The following ARHGAP23 variants were observed in gnomAD, a reference collection of about 807,000 sequenced individuals.
The protein encoded by ARHGAP23 is rho GTPase-activating protein 23.
In ARHGAP23, 34 loss-of-function variants were observed where a neutral mutation model predicts 136.3. The observed-to-expected ratio is 0.25, with a 90% CI of 0.19 to 0.33. ARHGAP23 has a LOEUF of 0.33. Among genes scored for constraint, ARHGAP23 ranks in the 10% least tolerant of loss-of-function variants. The pLI is 1.00. For missense variants in ARHGAP23, 1,808 were observed against 2,139.0 expected (o/e 0.85, Z 3.05); for synonymous variants, 832 against 920.5 (o/e 0.90, Z 1.74).
chr17:38,470,537 T>A (rs2039726055), intron 10 of ARHGAP23, among the ~76,000 whole-genome samples: 1 of 152,216 alleles, frequency 6.6e-6, no homozygotes. Context: ...GTGATAGCCC[T>A]GGCTGTTTGT....
intron 15 of ARHGAP23, 101 bp downstream of exon 15, chr17:38,482,244 T>C: frequency 6.7e-7 from 1 of 1,501,094 alleles, no homozygotes; most frequent in Non-Finnish European, 8.9e-7. Flanking sequence ...CACCTCATTG[T>C]ACAAACACAG....
intron 23 of ARHGAP23, among the ~76,000 whole-genome samples, chr17:38,504,975 CATCTTTTTTT>C: frequency 1.4e-5 from 1 of 70,684 alleles, no homozygotes; most frequent in South Asian, 5.4e-4. Flanking sequence ...CCTCCCTTAT[CATCTTTTTTT>C]TTTTTTTTTT....
In ARHGAP23 at chr17:38,510,159, CGCCCCCGAG is replaced by C; in HGVS notation, c.3671_3679del (p.Glu1224_Pro1226del). 7.8e-7 allele frequency: 1 copy of C among 1,284,860 alleles called. No individual in the cohort carries two copies. The highest frequency in any genetic ancestry group is 3.1e-5 in the East Asian group (1 of 32,256). 79.6% of individuals were successfully genotyped at this position (1,284,860 alleles called of 1,614,324 possible). A position where few individuals can be genotyped will look rare whatever the true frequency, so the allele number is the denominator to read the frequency against. ...CGCAGGGGCCGCTGCCTGGCGCCGT[CGCCCCCGAG>C]GCCCCCGGACGCCTCAGTCCCCCGG... On this transcript the variant is annotated inframe_deletion, in exon 24 of 24. Transcript: ENST00000622683. The surrounding 1 kb of genome is among the most constrained non-coding windows in gnomAD (Gnocchi z 4.6).
chr17:38,490,143 G>A lies in ARHGAP23; in HGVS notation c.3028G>A (p.Ala1010Thr), dbSNP rs759469762. The A allele has an allele frequency of 4.1e-5, 63 of 1,551,674 alleles. No individual in the cohort carries two copies. Among genetic ancestry groups the A allele is most frequent in the South Asian group, 2.1e-4 (18 of 84,064 alleles). ...DFIEANRIEDARERMRTLRKL... is the reference protein window; with the variant it reads ...DFIEANRIEDTRERMRTLRKL... The stretch of plus-strand genomic sequence containing the variant: ...CATCGAGGCCAACCGCATTGAGGAC[G>A]CGCGGGAGCGAATGAGGACGCTGCG... The change falls in exon 18 of 24, where the codon GCG becomes ACG. Residue 1010 changes from alanine to threonine, a missense_variant. Physicochemically the swap from Ala to Thr is moderately conservative, Grantham distance 58. This residue lies in a region of ARHGAP23 where 105 missense variants were observed against 200.6 expected (regional missense o/e 0.52). Coordinates refer to ENST00000622683, the MANE Select transcript of ARHGAP23 (RefSeq NM_001199417.2).
rs947213851 is a variant in ARHGAP23, at chr17:38,511,345, G to A, written c.*373G>A. The A allele has an allele frequency of 4.4e-6, 1 of 227,682 alleles. No homozygotes were observed. The highest frequency in any genetic ancestry group is 2.3e-5 in the African/African-American group (1 of 44,188). The allele number at this position is 227,682 out of a possible 1,614,324, so 14.1% of individuals were successfully genotyped here. On this transcript the variant is annotated 3_prime_UTR_variant, in exon 24 of 24. Coordinates refer to ENST00000622683, the MANE Select transcript of ARHGAP23 (RefSeq NM_001199417.2). The stretch of plus-strand genomic sequence containing the variant: ...CCCCTAAGTTTCAGACTAAAGGAAA[G>A]ATCCTGGGTGATGCTGGCTTTTTGC...
chr17:38,503,770 G>T (rs2144804898), intron 23 of ARHGAP23, among the ~76,000 whole-genome samples: 1 of 152,268 alleles, frequency 6.6e-6, no homozygotes, highest in South Asian at 2.1e-4. Flanking sequence ...TCAATCACAG[G>T]GCCTTGAACA....
intron 6 of ARHGAP23, among the ~76,000 whole-genome samples, chr17:38,463,694 CT>C (rs2039514708): frequency 6.6e-6 from 1 of 152,136 alleles, no homozygotes; most frequent in South Asian, 2.1e-4. Flanking sequence ...CCTGCACCCC[CT>C]CCCTGTCTGG....
At chr17:38,505,397 C>CAGCCT (rs1567831596) in intron 23 of ARHGAP23, among the ~76,000 whole-genome samples, 1 of 152,008 alleles carries the variant, frequency 6.6e-6, no homozygotes, top group Non-Finnish European at 1.5e-5. Context: ...GCTTTCTTTA[C>CAGCCT]AGCCTGCAAT....
chr17:38,500,277 G>A (rs1319111049), intron 22 of ARHGAP23: 5 of 404,246 alleles, frequency 1.2e-5, no homozygotes, highest in South Asian at 3.4e-5. Context: ...TAACAGGGAC[G>A]GGCGGGGAAG....
rs532300348 is a variant in ARHGAP23 at position 38,486,790 on chromosome 17, C to T, written c.2986+650C>T. Among the ~76,000 whole-genome samples the T allele has an allele frequency of 3.8e-4, 58 of 152,336 alleles. 1 individual carries two copies. Among genetic ancestry groups the T allele is most frequent in the African/African-American group, 1.3e-3 (56 of 41,582 alleles). ...AGAAGTTTAATGCCTTGCCCAAGGT[C>T]GCACAGGTTGTAAATGGCAGAGCCA... is the stretch of plus-strand genomic sequence containing the variant. On this transcript the variant is annotated intron_variant, in intron 17 of 23. Transcript: ENST00000622683.
Position 38,482,636 on chromosome 17 carries a change from G to A in ARHGAP23, c.2865G>A (p.Glu955=), listed in dbSNP as rs899620947. 2 of 1,549,424 alleles carry A rather than the reference G, an allele frequency of 1.3e-6. No individual in the cohort carries two copies. The highest frequency in any genetic ancestry group is 2.7e-5 in the African/African-American group (2 of 73,000). Residue 955 remains glutamate (E), a synonymous_variant, in exon 16 of 24, where the codon GAG becomes GAA. Transcript: ENST00000622683. ...ATGCAGTGGTGTCCAGCCTACAGGAGCAGCTCAACCGCGGGCCTGGTGACA... is the reference window on the plus strand; with the variant it reads ...ATGCAGTGGTGTCCAGCCTACAGGAACAGCTCAACCGCGGGCCTGGTGACA... ...GNNAVVSSLQ[E]QLNRGPGDIN...
At chr17:38,445,434 G>A (rs1005774327) in intron 1 of ARHGAP23, among the ~76,000 whole-genome samples, 1 of 151,506 alleles carries the variant, frequency 6.6e-6, no homozygotes, top group African/African-American at 2.4e-5. Context: ...CTGAGAGCAC[G>A]CCATTGCACT....
rs118030076 is a variant in ARHGAP23 at position 38,494,360 on chromosome 17, G to A, written c.3276+2828G>A. ...AGAACGGACTGTCATCCTCTTCGTC[G>A]TGGTCATTATTCCACGCCAGAGACA... is the stretch of plus-strand genomic sequence containing the variant. On this transcript the variant is annotated intron_variant, in intron 20 of 23. Transcript: ENST00000622683. 1.4e-3 allele frequency among the ~76,000 whole-genome samples: 213 copies of A among 152,306 alleles called. 4 individuals carry two copies. The East Asian group carries it at 0.034, about 24-fold the overall frequency.
chr17:38,440,309 A>C (rs985310367), intron 1 of ARHGAP23, among the ~76,000 whole-genome samples: 9 of 152,214 alleles, frequency 5.9e-5, no homozygotes, highest in Admixed American at 5.9e-4. Flanking sequence ...ATGAGGCACT[A>C]TGCCCAGGCT....
chr17:38,486,065 T>C lies in ARHGAP23; in HGVS notation c.2911T>C (p.Trp971Arg). 4.5e-6 allele frequency: 7 copies of C among 1,551,104 alleles called. No homozygotes were observed. Among genetic ancestry groups the C allele is most frequent in the Non-Finnish European group, 6.1e-6 (7 of 1,146,784 alleles). Residue 971 changes from tryptophan to arginine, a missense_variant, in exon 17 of 24, where the codon TGG (tryptophan) becomes CGG (arginine). Physicochemically the swap from Trp to Arg is moderately radical, Grantham distance 101. Around this residue, in one of 7 missense-constraint regions of ARHGAP23, gnomAD observed 105 missense variants for 200.6 expected, o/e 0.52. Coordinates refer to ENST00000622683, the MANE Select transcript of ARHGAP23 (RefSeq NM_001199417.2). ...PGDINLQDER[W>R]QDLNVISSLL... ...TGACATCTGACCCCTCCCCCAGCGC[T>C]GGCAAGACCTCAATGTGATCAGCAG...
At chr17:38,478,416 A>ATT (rs1444227079) in intron 12 of ARHGAP23, among the ~76,000 whole-genome samples, 17 of 44,652 alleles carry the variant, frequency 3.8e-4, no homozygotes, top group East Asian at 7.0e-4. Flanking sequence ...ATTTTGGGAT[A>ATT]ATTTTTTTTT....
chr17:38,445,062 A>G (rs986504356), intron 1 of ARHGAP23, among the ~76,000 whole-genome samples: 61 of 151,792 alleles, frequency 4.0e-4, no homozygotes, highest in African/African-American at 1.3e-3. Context: ...AGGTGATCCA[A>G]CTGCCTCGGC....
chr17:38,424,395 C>T (rs186959576), upstream of ARHGAP23, among the ~76,000 whole-genome samples: 2 of 152,192 alleles, frequency 1.3e-5, no homozygotes, highest in East Asian at 1.9e-4. Context: ...TGGGCAGATT[C>T]GACTCCCTCC....
chr17:38,426,572 A>AAAAAAAAAAAAAAAAAAAAAAG (rs1567767218), upstream of ARHGAP23, among the ~76,000 whole-genome samples: 3 of 149,390 alleles, frequency 2.0e-5, no homozygotes, highest in African/African-American at 5.0e-5. Flanking sequence ...AAAAAAAAAA[A>AAAAAAAAAAAAAAAAAAAAAAG]TCCAGGCAGT....
Sources: gnomAD v4.1 joint callset for allele counts (sites outside exome capture counted in the v4.1 genomes callset) on GRCh38, gnomAD v4.1.1 for gene constraint, gnomAD v4.1.1 regional missense constraint, Gnocchi (gnomAD v3.1) non-coding constraint, MANE v1.5 for transcripts, NCBI Gene and HGNC (gene_info 2026-07-23, HGNC 2026-07-21) for gene names.